Variants in LSAMP observed in about 807,000 individuals in gnomAD.
LSAMP encodes limbic system associated membrane protein.
Under a neutral mutation model 38.6 loss-of-function variants are expected in LSAMP, and 7 were observed. The ratio of observed to expected loss-of-function variants is 0.18; its 90% CI spans 0.10 to 0.34. The LOEUF (loss-of-function observed/expected upper bound fraction) is 0.34. Ranked by LOEUF, LSAMP falls within the 10% of genes least tolerant of loss-of-function variation. The pLI is 1.00. For missense variants in LSAMP, 313 were observed against 420.0 expected (o/e 0.75, Z 2.23); for synonymous variants, 154 against 166.8 (o/e 0.92, Z 0.59).
intron 1 of LSAMP, among the ~76,000 whole-genome samples, chr3:116,332,737 C>T (rs2047867358): frequency 6.6e-6 from 1 of 151,900 alleles, no homozygotes; most frequent in Non-Finnish European, 1.5e-5. Context: ...TTATATGCTG[C>T]CTACAAGAAA....
intron 1 of LSAMP, among the ~76,000 whole-genome samples, chr3:116,304,136 T>C (rs142381782): frequency 6.6e-6 from 1 of 152,328 alleles, no homozygotes; most frequent in Non-Finnish European, 1.5e-5. Flanking sequence ...GATACTTAGC[T>C]ATCGCTATGT....
chr3:116,436,834 T>C (rs1216698300), intron 1 of LSAMP, among the ~76,000 whole-genome samples: 1 of 152,108 alleles, frequency 6.6e-6, no homozygotes, highest in Non-Finnish European at 1.5e-5. Flanking sequence ...ACTGGATATC[T>C]GCCCAGAGGA....
rs1934031587 is a variant in LSAMP, at chr3:115,816,644, T to C, written c.920-6230A>G. 26 of 1,285,968 alleles carry C rather than the reference T, an allele frequency of 2.0e-5. 1 individual carries two copies. Among genetic ancestry groups the C allele is most frequent in the Non-Finnish European group, 2.4e-5 (24 of 987,338 alleles). The allele number at this position is 1,285,968 out of a possible 1,614,324, so 79.7% of individuals were successfully genotyped here. On this transcript the variant is annotated intron_variant, in intron 6 of 6. Coordinates refer to ENST00000490035, the MANE Select transcript of LSAMP (RefSeq NM_002338.5). ...TGCTTGAAGTGCACGGTGGTACCAA[T>C]TTCTAAAATAAGAAACATTAAGCAA...
Position 115,842,013 on chromosome 3 carries a change from A to C in LSAMP, c.771-20T>G. 6.3e-7 allele frequency: 1 copy of C among 1,598,176 alleles called. No individual in the cohort carries two copies. Among genetic ancestry groups the C allele is most frequent in the East Asian group, 2.2e-5 (1 of 44,732 alleles). On this transcript the variant is annotated intron_variant, in intron 5 of 6. Coordinates refer to ENST00000490035, the MANE Select transcript of LSAMP (RefSeq NM_002338.5). ...TTTATCCTAAGAGTTCAAAAACAGA[A>C]GAATAGAAAGGATCACTGGTGAAGA...
chr3:116,081,496 A>G (rs1243408526), intron 2 of LSAMP, among the ~76,000 whole-genome samples: 1 of 152,082 alleles, frequency 6.6e-6, no homozygotes, highest in Admixed American at 6.6e-5. Flanking sequence ...TAAGTTTTCA[A>G]TTATTAAATT....
At chr3:116,074,809 T>C (rs960828481) in intron 2 of LSAMP, among the ~76,000 whole-genome samples, 7 of 151,846 alleles carry the variant, frequency 4.6e-5, no homozygotes, top group Non-Finnish European at 8.8e-5. Flanking sequence ...TGGCAATTTA[T>C]GTCTTTGACA....
chr3:116,064,916 G>A (rs1707377429), intron 2 of LSAMP, among the ~76,000 whole-genome samples: 2 of 152,148 alleles, frequency 1.3e-5, no homozygotes, highest in South Asian at 4.1e-4. Flanking sequence ...AAACATTAAG[G>A]CTAGATATGG....
chr3:116,305,515 T>C (rs1256535010), intron 1 of LSAMP, among the ~76,000 whole-genome samples: 2 of 151,260 alleles, frequency 1.3e-5, no homozygotes, highest in African/African-American at 4.9e-5. Flanking sequence ...CTCCTTCAAA[T>C]ACTTTAAAAT....
chr3:116,035,834 C>T (rs1295785034), intron 2 of LSAMP, among the ~76,000 whole-genome samples: 4 of 152,204 alleles, frequency 2.6e-5, no homozygotes, highest in African/African-American at 9.6e-5. Context: ...GCTGTCAGTG[C>T]TCACCAAGTA....
At chr3:116,258,812 G>A (rs1388360697) in intron 1 of LSAMP, among the ~76,000 whole-genome samples, 3 of 152,106 alleles carry the variant, frequency 2.0e-5, no homozygotes, top group African/African-American at 7.2e-5. Context: ...GATTCGTATA[G>A]TCATACAGAG....
In LSAMP at chr3:116,177,416, A is replaced by G. The variant is rs186693394; in HGVS notation, c.156-90860T>C. Among the ~76,000 whole-genome samples the G allele has an allele frequency of 7.2e-5, 11 of 152,216 alleles. No individual in the cohort carries two copies. The East Asian group carries it at 1.9e-3, about 27-fold the overall frequency. On this transcript the variant is annotated intron_variant, in intron 1 of 6. Coordinates refer to ENST00000490035, the MANE Select transcript of LSAMP (RefSeq NM_002338.5). ...AATACAGAGCACATGAATACTCTAC[A>G]TAAGAAATCTCCCACAAGGCAAGCA...
chr3:115,933,478 A>G (rs1336930984), intron 3 of LSAMP, among the ~76,000 whole-genome samples: 31 of 152,234 alleles, frequency 2.0e-4, no homozygotes, highest in Admixed American at 2.0e-3. Flanking sequence ...AGGAAAAATT[A>G]TTAACATTAA....
At chr3:116,029,608 T>C (rs1303246336) in intron 2 of LSAMP, among the ~76,000 whole-genome samples, 1 of 152,150 alleles carries the variant, frequency 6.6e-6, no homozygotes, top group Non-Finnish European at 1.5e-5. Flanking sequence ...TGTGTGTTAA[T>C]GTAGTAAACT....
chr3:116,067,884 A>G (rs1707499186), intron 2 of LSAMP, among the ~76,000 whole-genome samples: 1 of 152,146 alleles, frequency 6.6e-6, no homozygotes, highest in South Asian at 2.1e-4. Context: ...TACATGCTTG[A>G]TGAGCAGTGT....
chr3:116,292,565 A>G (rs1443929033), intron 1 of LSAMP, among the ~76,000 whole-genome samples: 4 of 152,190 alleles, frequency 2.6e-5, no homozygotes, highest in East Asian at 1.9e-4. Flanking sequence ...TGAGAAATCA[A>G]TAGGGCAAGG....
At chr3:115,932,702 A>T (rs530107840) in intron 3 of LSAMP, among the ~76,000 whole-genome samples, 78 of 152,312 alleles carry the variant, frequency 5.1e-4, no homozygotes, top group African/African-American at 1.7e-3. Context: ...ATCTCTAGTT[A>T]TTCTTTTTTT....
chr3:115,920,114 C>T (rs928499071), intron 3 of LSAMP, among the ~76,000 whole-genome samples: 1 of 152,188 alleles, frequency 6.6e-6, no homozygotes, highest in Admixed American at 6.5e-5. Flanking sequence ...TTTCTACCTC[C>T]TGGCTATTAC....
In LSAMP at chr3:116,291,329, T is replaced by C. The variant is rs59758931; in HGVS notation, c.155+153548A>G. On this transcript the variant is annotated intron_variant, in intron 1 of 6. Transcript: ENST00000490035. ...ATGGTTTGGCCATATGGGCAGACGA[T>C]GTTGAATTTGACCAAAAGCACTGGC... Among the ~76,000 whole-genome samples, 347 of 152,254 alleles carry C rather than the reference T, an allele frequency of 2.3e-3. 9 individuals are homozygous for C. The East Asian group carries it at 0.061, about 27-fold the overall frequency.
At chr3:115,820,328 C>T (rs1375185210) in intron 6 of LSAMP, among the ~76,000 whole-genome samples, 1 of 152,038 alleles carries the variant, frequency 6.6e-6, no homozygotes, top group Non-Finnish European at 1.5e-5. Context: ...ATAAGTATGG[C>T]AGTGAAGGTA....
Sources: allele counts gnomAD v4.1 joint callset (sites outside exome capture counted in the v4.1 genomes callset), GRCh38; gene constraint gnomAD v4.1.1; transcripts MANE v1.5; gene names NCBI Gene and HGNC (gene_info 2026-07-23, HGNC 2026-07-21).